AGBL1: variants seen among roughly 807,000 people sequenced by gnomAD.
The protein encoded by AGBL1 is AGBL carboxypeptidase 1.
AGBL1 carries 130 observed loss-of-function variants against 118.9 expected under a neutral mutation model. The ratio of observed to expected loss-of-function variants is 1.09; its 90% CI spans 0.95 to 1.26. AGBL1 has a LOEUF of 1.26. Among genes scored for constraint, AGBL1 ranks in the 50% most tolerant of loss-of-function variants. The pLI, the probability that AGBL1 is intolerant of heterozygous loss-of-function variation, is 0.00. For missense variants in AGBL1, 1,584 were observed against 1,298.1 expected (o/e 1.22, Z -3.38); for synonymous variants, 555 against 478.9 (o/e 1.16, Z -2.08).
chr15:86,298,248 TATA>T (rs1567185607), intron 17 of AGBL1, among the ~76,000 whole-genome samples: 3,822 of 46,530 alleles, frequency 0.082, 322 homozygotes, highest in South Asian at 0.12. Flanking sequence ...CTGTGTATAA[TATA>T]TATATATATA....
At chr15:86,238,307 T>A (rs1247913985) in intron 6 of AGBL1, among the ~76,000 whole-genome samples, 1 of 152,238 alleles carries the variant, frequency 6.6e-6, no homozygotes, top group Admixed American at 6.5e-5. Context: ...TCAATAATAG[T>A]GCCTGGAACA....
At chr15:86,295,618 A>T (rs1310315923) in intron 17 of AGBL1, 2 of 428,648 alleles carry the variant, frequency 4.7e-6, no homozygotes, top group Non-Finnish European at 8.1e-6. Context: ...AATGAAATGA[A>T]TTCAAACTGT....
intron 23 of AGBL1, among the ~76,000 whole-genome samples, chr15:86,973,266 G>A (rs748672981): frequency 1.4e-4 from 22 of 152,012 alleles, no homozygotes; most frequent in Non-Finnish European, 2.4e-4. Flanking sequence ...GGTGACATGT[G>A]AACAGTATCA....
intron 7 of AGBL1, among the ~76,000 whole-genome samples, chr15:86,254,554 A>T (rs1201223689): frequency 1.3e-5 from 2 of 152,232 alleles, no homozygotes; most frequent in East Asian, 1.9e-4. Context: ...AATTGAATGC[A>T]TTCTCATATT....
chr15:87,012,765 A>G (rs8030603), intron 24 of AGBL1, among the ~76,000 whole-genome samples: 114 of 152,110 alleles, frequency 7.5e-4, no homozygotes, highest in African/African-American at 2.5e-3. Flanking sequence ...CTAGAAGCTA[A>G]ATAAAAAGTG....
Position 86,508,209 on chromosome 15 carries a change from A to G in AGBL1, c.2556-14601A>G, listed in dbSNP as rs187406532. ...AGTGCTGGGATTACAGGCGTGAACCACTGTGCCCCACCTGTGATTTGCCTT... is the reference window on the plus strand; with the variant it reads ...AGTGCTGGGATTACAGGCGTGAACCGCTGTGCCCCACCTGTGATTTGCCTT... On this transcript the variant is annotated intron_variant, in intron 18 of 22. Coordinates refer to ENST00000614907, the MANE Select transcript of AGBL1 (RefSeq NM_001386094.1). Among the ~76,000 whole-genome samples, 483 of 152,078 alleles carry G rather than the reference A, an allele frequency of 3.2e-3. 2 individuals are homozygous for G. Among genetic ancestry groups the G allele is most frequent in the African/African-American group, 0.011 (454 of 41,506 alleles).
chr15:86,889,594 T>A (rs546974608), intron 22 of AGBL1, among the ~76,000 whole-genome samples: 13 of 152,284 alleles, frequency 8.5e-5, no homozygotes, highest in Non-Finnish European at 1.8e-4. Context: ...CCCCTCCATG[T>A]GTCCATGTGT....
chr15:86,235,998 TTGAC>T, intron 6 of AGBL1, among the ~76,000 whole-genome samples: 1 of 152,340 alleles, frequency 6.6e-6, no homozygotes, highest in East Asian at 1.9e-4. Flanking sequence ...CCGAAAGAGA[TTGAC>T]TGACTTGCCC....
intron 17 of AGBL1, among the ~76,000 whole-genome samples, chr15:86,373,793 T>C (rs2081000799): frequency 6.6e-6 from 1 of 152,228 alleles, no homozygotes; most frequent in African/African-American, 2.4e-5. Flanking sequence ...TACAAGGAGT[T>C]TCTCCTTGAG....
At chr15:86,164,429 G>A (rs190875249) in intron 5 of AGBL1, among the ~76,000 whole-genome samples, 50 of 152,222 alleles carry the variant, frequency 3.3e-4, no homozygotes, top group Middle Eastern at 3.4e-3. Context: ...ACTTGTCTGC[G>A]AATGACTCAT....
At chr15:86,701,625 GTCTCC>G (rs1242166045) in intron 22 of AGBL1, among the ~76,000 whole-genome samples, 1 of 151,602 alleles carries the variant, frequency 6.6e-6, no homozygotes, top group Non-Finnish European at 1.5e-5. Context: ...GGTAAAACAT[GTCTCC>G]TCTCCTCTCC....
At position 86,827,485 on chromosome 15, in the gene AGBL1, GTGTGTATATATATA is replaced by G. The variant is rs2079042134; in HGVS notation, c.3159-79600_3159-79587del. Among the ~76,000 whole-genome samples the G allele has an allele frequency of 7.5e-3, 29 of 3,870 alleles. 6 individuals are homozygous for G. Among genetic ancestry groups the G allele is most frequent in the Non-Finnish European group, 0.011 (22 of 1,990 alleles). The allele number at this position is 3,870 out of a possible 152,430, so 2.5% of individuals were successfully genotyped here. ...TATATATATACATATATATATATAT[GTGTGTATATATATA>G]TATATATATATATATATATATAGCC... On this transcript the variant is annotated intron_variant, in intron 22 of 22. Coordinates refer to ENST00000614907, the MANE Select transcript of AGBL1 (RefSeq NM_001386094.1).
chr15:86,290,172 T>A (rs1353502146), intron 16 of AGBL1, among the ~76,000 whole-genome samples: 1 of 152,152 alleles, frequency 6.6e-6, no homozygotes, highest in African/African-American at 2.4e-5. Flanking sequence ...TAATGTGTAC[T>A]GTCTCCCTAA....
chr15:86,800,321 C>T (rs2078632030), intron 22 of AGBL1, among the ~76,000 whole-genome samples: 2 of 152,076 alleles, frequency 1.3e-5, no homozygotes. Context: ...TATGAGTTGA[C>T]TAATTTATAT....
intron 22 of AGBL1, among the ~76,000 whole-genome samples, chr15:86,832,720 C>T (rs1186342730): frequency 6.6e-6 from 1 of 152,230 alleles, no homozygotes; most frequent in Non-Finnish European, 1.5e-5. Flanking sequence ...TAGGAAGTTT[C>T]AAACTTTCCC....
At chr15:86,642,145 T>C (rs1179189331) in intron 21 of AGBL1, among the ~76,000 whole-genome samples, 1 of 152,140 alleles carries the variant, frequency 6.6e-6, no homozygotes, top group Non-Finnish European at 1.5e-5. Flanking sequence ...CAGGGAAATA[T>C]ATTTGGATTT....
chr15:86,678,196 A>C (rs544968244), intron 22 of AGBL1, among the ~76,000 whole-genome samples: 1 of 152,298 alleles, frequency 6.6e-6, no homozygotes, highest in African/African-American at 2.4e-5. Flanking sequence ...AACTATATTC[A>C]CCATGCTGGC....
At chr15:86,661,425 C>T (rs60096375) in intron 21 of AGBL1, among the ~76,000 whole-genome samples, 24 of 152,030 alleles carry the variant, frequency 1.6e-4, no homozygotes, top group African/African-American at 5.5e-4. Flanking sequence ...AAAGCTAATT[C>T]AATGGCCATT....
chr15:86,721,818 C>T (rs1319192866), intron 22 of AGBL1, among the ~76,000 whole-genome samples: 3 of 152,168 alleles, frequency 2.0e-5, no homozygotes, highest in African/African-American at 7.2e-5. Context: ...TCTCAGGATA[C>T]AAAATCAATG....
Sources: gnomAD v4.1 joint callset for allele counts (sites outside exome capture counted in the v4.1 genomes callset) on GRCh38, gnomAD v4.1.1 for gene constraint, MANE v1.5 for transcripts, NCBI Gene and HGNC (gene_info 2026-07-23, HGNC 2026-07-21) for gene names.